Variants in UTP20 observed in about 807,000 individuals in gnomAD.
UTP20 encodes small subunit processome component 20 homolog.
In UTP20, 164 loss-of-function variants were observed where a neutral mutation model predicts 329.5. That is an observed-to-expected ratio of 0.50 (90% CI 0.44 to 0.57). The LOEUF (loss-of-function observed/expected upper bound fraction) is 0.57. UTP20 is among the 20% of genes least tolerant of loss of function. The pLI is 0.00. For missense variants in UTP20, 3,055 were observed against 3,284.2 expected (o/e 0.93, Z 1.71); for synonymous variants, 1,151 against 1,159.3 (o/e 0.99, Z 0.14).
chr12:101,285,439 T>TA, intron 2 of UTP20, 131 bp from the exon 3 acceptor site: 5 of 987,722 alleles, frequency 5.1e-6, no homozygotes, highest in Non-Finnish European at 7.3e-6. Context: ...TGGCCTGTTT[T>TA]AAAAAACTAA....
chr12:101,302,603 C>A, intron 15 of UTP20, 50 bp downstream of exon 15: 1 of 1,255,278 alleles, frequency 8.0e-7, no homozygotes, highest in Non-Finnish European at 1.1e-6. Flanking sequence ...ATATAAAAGC[C>A]TCTATTGTTG....
intron 16 of UTP20, among the ~76,000 whole-genome samples, chr12:101,306,437 A>G (rs976465817): frequency 6.6e-6 from 1 of 152,122 alleles, no homozygotes; most frequent in Non-Finnish European, 1.5e-5. Flanking sequence ...TGAATTGACA[A>G]CTTAATCAAC....
Position 101,383,573 on chromosome 12 carries a change from G to T in UTP20, c.7960G>T (p.Val2654Leu). 6.2e-7 allele frequency: 1 copy of T among 1,613,208 alleles called. No homozygotes were observed. The highest frequency in any genetic ancestry group is 8.5e-7 in the Non-Finnish European group (1 of 1,179,800). The change falls in exon 60 of 62, where the codon GTA becomes TTA. Residue 2654 changes from valine (V) to leucine (L), a missense_variant. Physicochemically the swap from Val to Leu is conservative, Grantham distance 32. Transcript: ENST00000261637. Reference sequence around the variant, plus strand: ...ATGCATCTTTAAGTTCCTCGGCGCCGTAGCAATGGATCTTGGGATAGACAA... The same window carrying T: ...ATGCATCTTTAAGTTCCTCGGCGCCTTAGCAATGGATCTTGGGATAGACAA... ...RTCIFKFLGAVAMDLGIDKVK... is the reference protein window; with the variant it reads ...RTCIFKFLGALAMDLGIDKVK...
intron 18 of UTP20, 67 bp from the exon 19 acceptor site, chr12:101,309,696 A>C (rs1872728159): frequency 6.7e-7 from 1 of 1,495,096 alleles, no homozygotes; most frequent in Admixed American, 1.8e-5. Context: ...GGATGTTTGC[A>C]TTTCAGTACT....
At position 101,328,228 on chromosome 12, in the gene UTP20, GT is replaced by G. The variant is rs1412609990; in HGVS notation, c.3208+984del. Among the ~76,000 whole-genome samples the G allele has an allele frequency of 4.6e-5, 7 of 152,142 alleles. 1 individual carries two copies. The East Asian group carries it at 1.3e-3, about 29-fold the overall frequency. ...TTGGCTCTGATGAATGCCAAAAAAA[GT>G]TTCTGTTCAATGTATAACTCCCACT... On this transcript the variant is annotated intron_variant, in intron 26 of 61. Transcript: ENST00000261637.
chr12:101,378,878 G>A (rs1480800418), intron 56 of UTP20, among the ~76,000 whole-genome samples: 3 of 152,076 alleles, frequency 2.0e-5, no homozygotes, highest in African/African-American at 4.8e-5. Flanking sequence ...CGTTTCCAGT[G>A]CCTCTCCCAC....
intron 26 of UTP20, among the ~76,000 whole-genome samples, chr12:101,328,772 G>A (rs1868650241): frequency 6.6e-6 from 1 of 151,876 alleles, no homozygotes; most frequent in African/African-American, 2.4e-5. Context: ...GGGAAGCTGA[G>A]GCAGGAGAAC....
Position 101,280,170 on chromosome 12 carries a change from TG to T in UTP20, c.-110del. The T allele has an allele frequency of 1.5e-6, 2 of 1,365,728 alleles. No individual in the cohort carries two copies. The highest frequency in any genetic ancestry group is 2.0e-6 in the Non-Finnish European group (2 of 998,116). 84.6% of individuals were successfully genotyped at this position (1,365,728 alleles called of 1,614,324 possible). ...GGCTCAAGCCGCACGTGAGAAAGTC[TG>T]GGCATCTGGGAATCGGAGAGTATAG... On this transcript the variant is annotated 5_prime_UTR_variant, in exon 1 of 62. Coordinates refer to ENST00000261637, the MANE Select transcript of UTP20 (RefSeq NM_014503.3).
Position 101,286,383 on chromosome 12 carries a change from T to G in UTP20, c.389T>G (p.Phe130Cys). The G allele has an allele frequency of 1.2e-6, 2 of 1,613,944 alleles. No individual in the cohort carries two copies. Among genetic ancestry groups the G allele is most frequent in the Non-Finnish European group, 1.7e-6 (2 of 1,179,930 alleles). Residue 130 changes from phenylalanine to cysteine, a missense_variant, in exon 5 of 62, where the codon TTT becomes TGT. By Grantham distance (205) the Phe-to-Cys change is radical (BLOSUM62 -2). This residue lies in a region of UTP20 where 2,445 missense variants were observed against 2,575.5 expected (regional missense o/e 0.95). Transcript: ENST00000261637. ...TTCTACCCACACTTTCCAGAGTTTT[T>G]TTTGACTATCACCTCGATCCTGGAG... Reference protein sequence around the residue: ...MDFYPHFPEFFLTITSILETQ... With the variant: ...MDFYPHFPEFCLTITSILETQ...
intron 47 of UTP20, among the ~76,000 whole-genome samples, 166 bp from the exon 48 acceptor site, chr12:101,367,694 T>C (rs187304416): frequency 2.6e-5 from 4 of 152,348 alleles, no homozygotes; most frequent in African/African-American, 7.2e-5. Context: ...TCACTTTGAC[T>C]TACTGAGACC....
At chr12:101,368,269 A>G (rs1001794879) in intron 48 of UTP20, among the ~76,000 whole-genome samples, 12 of 151,772 alleles carry the variant, frequency 7.9e-5, no homozygotes, top group African/African-American at 2.9e-4. Context: ...AGTAGCAGGG[A>G]CTACAGACGC....
intron 24 of UTP20, 139 bp from the exon 25 acceptor site, chr12:101,321,360 TGAGGA>T: frequency 8.4e-7 from 1 of 1,183,870 alleles, no homozygotes; most frequent in Admixed American, 2.6e-5. Context: ...GAGATTTTTT[TGAGGA>T]TTTTCCTTTA....
intron 18 of UTP20, 27 bp downstream of exon 18, chr12:101,308,370 C>T (rs767935034): frequency 1.9e-4 from 263 of 1,387,138 alleles, no homozygotes; most frequent in Non-Finnish European, 2.4e-4. Flanking sequence ...TTTATTTTTC[C>T]TTTTTAATTC....
intron 25 of UTP20, among the ~76,000 whole-genome samples, chr12:101,322,575 A>T (rs1868400292): frequency 6.6e-6 from 1 of 152,148 alleles, no homozygotes; most frequent in Non-Finnish European, 1.5e-5. Context: ...AGATCATGGG[A>T]TTGGGATTTA....
At chr12:101,285,525 C>G (rs777201652) in intron 2 of UTP20, 45 bp from the exon 3 acceptor site, 1 of 1,572,362 alleles carries the variant, frequency 6.4e-7, no homozygotes, top group Non-Finnish European at 8.7e-7. Context: ...TTGATCATTG[C>G]TTTCTTAGAG....
At chr12:101,330,385 T>G (rs1257235984) in intron 27 of UTP20, among the ~76,000 whole-genome samples, 1 of 152,040 alleles carries the variant, frequency 6.6e-6, no homozygotes, top group African/African-American at 2.4e-5. Context: ...GATGAAGAGG[T>G]AGGTCGTAGG....
rs781265003 is a variant in UTP20 at position 101,353,143 on chromosome 12, A to T, written c.5107+14A>T. 1.3e-5 allele frequency: 20 copies of T among 1,530,824 alleles called. No individual in the cohort carries two copies. The highest frequency in any genetic ancestry group is 1.7e-5 in the Non-Finnish European group (19 of 1,111,154). The allele number at this position is 1,530,824 out of a possible 1,614,324, so 94.8% of individuals were successfully genotyped here. ...AGAATGAAGAAAGTAAGTTTCTTAA[A>T]CTTTCTTAAACAAGATTTTCATCTT... On this transcript the variant is annotated intron_variant, in intron 40 of 61. Coordinates refer to ENST00000261637, the MANE Select transcript of UTP20 (RefSeq NM_014503.3).
chr12:101,280,893 A>G (rs1486095043), intron 1 of UTP20, among the ~76,000 whole-genome samples: 1 of 152,222 alleles, frequency 6.6e-6, no homozygotes, highest in Non-Finnish European at 1.5e-5. Flanking sequence ...GGCAATGGAA[A>G]TTTTATTTGA....
intron 48 of UTP20, among the ~76,000 whole-genome samples, chr12:101,369,380 G>A (rs1390989560): frequency 6.6e-6 from 1 of 152,118 alleles, no homozygotes; most frequent in African/African-American, 2.4e-5. Flanking sequence ...CACTTGGGAG[G>A]CTGAGGCAGG....
Sources: gnomAD v4.1 joint callset for allele counts (sites outside exome capture counted in the v4.1 genomes callset) on GRCh38, gnomAD v4.1.1 for gene constraint, gnomAD v4.1.1 regional missense constraint, MANE v1.5 for transcripts, NCBI Gene and HGNC (gene_info 2026-07-23, HGNC 2026-07-21) for gene names.